NCAM2: variants seen among roughly 807,000 people sequenced by gnomAD.
The protein encoded by NCAM2 is neural cell adhesion molecule 2, also known as N-CAM-2.
In NCAM2, 30 loss-of-function variants were observed where a neutral mutation model predicts 98.1. That is an observed-to-expected ratio of 0.31 (90% CI 0.23 to 0.41). The LOEUF is 0.41. NCAM2 is among the 10% of genes least tolerant of loss of function. NCAM2 has a pLI of 1.00. For missense variants in NCAM2, 867 were observed against 1,005.8 expected (o/e 0.86, Z 1.87); for synonymous variants, 368 against 342.4 (o/e 1.07, Z -0.83).
At chr21:21,482,216 C>A (rs62216088) in intron 15 of NCAM2, among the ~76,000 whole-genome samples, 1 of 151,946 alleles carries the variant, frequency 6.6e-6, no homozygotes, top group Admixed American at 6.6e-5. Context: ...TGATTTAGAT[C>A]TAGGTTTTGT....
intron 1 of NCAM2, among the ~76,000 whole-genome samples, chr21:21,025,226 C>T (rs1825218834): frequency 6.6e-6 from 1 of 151,968 alleles, no homozygotes; most frequent in South Asian, 2.1e-4. Context: ...GCTGGGATTA[C>T]AGGTGCCTGC....
intron 15 of NCAM2, among the ~76,000 whole-genome samples, chr21:21,480,656 A>G (rs1985795127): frequency 6.6e-6 from 1 of 152,220 alleles, no homozygotes; most frequent in South Asian, 2.1e-4. Context: ...GAAATAAATA[A>G]TTGTAAGCAG....
rs117466297 is a variant in NCAM2, at chr21:21,414,212, C to T, written c.1383+3751C>T. On this transcript the variant is annotated intron_variant, in intron 10 of 17. Transcript: ENST00000400546. ...CATTTCTAATTCTAGCTCTCTATTT[C>T]CACCGCATCTGCAGTTACTTCCTTC... Among the ~76,000 whole-genome samples the T allele has an allele frequency of 8.7e-3, 1,327 of 152,288 alleles. 18 individuals carry two copies. The highest frequency in any genetic ancestry group is 0.015 in the Non-Finnish European group (1,036 of 68,022).
At chr21:21,194,134 T>C (rs1163650721) in intron 1 of NCAM2, among the ~76,000 whole-genome samples, 2 of 152,194 alleles carry the variant, frequency 1.3e-5, no homozygotes, top group Non-Finnish European at 2.9e-5. Context: ...CATATATACA[T>C]GGAATACAAT....
At chr21:21,225,020 C>T (rs1303794075) in intron 1 of NCAM2, among the ~76,000 whole-genome samples, 4 of 151,992 alleles carry the variant, frequency 2.6e-5, no homozygotes, top group Non-Finnish European at 4.4e-5. Flanking sequence ...CCCAAATGCC[C>T]ATCAACAATA....
chr21:21,197,043 C>T (rs1221028751), intron 1 of NCAM2, among the ~76,000 whole-genome samples: 2 of 152,182 alleles, frequency 1.3e-5, no homozygotes, highest in Non-Finnish European at 2.9e-5. Flanking sequence ...GCTGAGACCT[C>T]CCCAGAAGCA....
chr21:21,334,792 G>A (rs1322020691), intron 6 of NCAM2, among the ~76,000 whole-genome samples: 7 of 152,116 alleles, frequency 4.6e-5, no homozygotes, highest in Non-Finnish European at 5.9e-5. Flanking sequence ...TTTGAAAGCC[G>A]TGGTTGGTTT....
At chr21:21,011,187 CATTT>C (rs1322803102) in intron 1 of NCAM2, among the ~76,000 whole-genome samples, 1 of 151,350 alleles carries the variant, frequency 6.6e-6, no homozygotes, top group Non-Finnish European at 1.5e-5. Flanking sequence ...GGGATTACAT[CATTT>C]TTAAATTCAA....
intron 9 of NCAM2, among the ~76,000 whole-genome samples, chr21:21,397,115 C>A (rs1016005724): frequency 7.9e-5 from 12 of 152,280 alleles, no homozygotes; most frequent in African/African-American, 2.9e-4. Flanking sequence ...GCAGGTCATC[C>A]TGACATCTGT....
At chr21:21,129,140 A>G (rs959785911) in intron 1 of NCAM2, among the ~76,000 whole-genome samples, 1 of 152,186 alleles carries the variant, frequency 6.6e-6, no homozygotes, top group Admixed American at 6.5e-5. Flanking sequence ...TTTATTGATC[A>G]TATTAGTCTT....
In NCAM2 at chr21:21,299,065, A is replaced by G. The variant is rs557923979; in HGVS notation, c.619+6824A>G. Among the ~76,000 whole-genome samples, 10 of 151,820 alleles carry G rather than the reference A, an allele frequency of 6.6e-5. No individual in the cohort carries two copies. The East Asian group carries it at 2.0e-3, about 30-fold the overall frequency. On this transcript the variant is annotated intron_variant, in intron 5 of 17. Coordinates refer to ENST00000400546, the MANE Select transcript of NCAM2 (RefSeq NM_004540.5). ...GGATCACAAGATACTGCAATAATGC[A>G]AATTTTTATCATTTCATAGAATCAA...
In NCAM2 at chr21:21,261,116, A is replaced by T. The variant is rs9976738; in HGVS notation, c.56-19462A>T. 4.3e-3 allele frequency among the ~76,000 whole-genome samples: 657 copies of T among 152,296 alleles called. 4 individuals are homozygous for T. The highest frequency in any genetic ancestry group is 0.015 in the African/African-American group (643 of 41,570). On this transcript the variant is annotated intron_variant, in intron 1 of 17. Coordinates refer to ENST00000400546, the MANE Select transcript of NCAM2 (RefSeq NM_004540.5). Reference sequence around the variant, plus strand: ...CAGTAGAAAAAAAAAGAATGGAATTATTTAGTGATAAAGGTTTCAATTCAA... The same window carrying T: ...CAGTAGAAAAAAAAAGAATGGAATTTTTTAGTGATAAAGGTTTCAATTCAA...
intron 1 of NCAM2, among the ~76,000 whole-genome samples, chr21:21,204,313 C>T (rs373125358): frequency 6.6e-6 from 1 of 151,916 alleles, no homozygotes; most frequent in Non-Finnish European, 1.5e-5. Context: ...ATTTATGATG[C>T]CCTAGTTATT....
rs144094222 is a variant in NCAM2 at position 21,534,080 on chromosome 21, C to T, written c.2283-457C>T. 2.9e-3 allele frequency among the ~76,000 whole-genome samples: 439 copies of T among 151,640 alleles called. 4 individuals are homozygous for T. The highest frequency in any genetic ancestry group is 0.01 in the African/African-American group (420 of 41,414). On this transcript the variant is annotated intron_variant, in intron 16 of 17. Coordinates refer to ENST00000400546, the MANE Select transcript of NCAM2 (RefSeq NM_004540.5). ...TTCTAAATTTTGAAATAAAAGCAAC[C>T]CTTCTGAAGTATTTCAAATATTTTA... is the stretch of plus-strand genomic sequence containing the variant.
intron 1 of NCAM2, among the ~76,000 whole-genome samples, chr21:21,211,612 C>CACA (rs909798814): frequency 6.6e-6 from 1 of 151,536 alleles, no homozygotes; most frequent in Non-Finnish European, 1.5e-5. Context: ...AAACAAACAA[C>CACA]ACAACAACAA....
chr21:21,231,987 T>C (rs1201636000), intron 1 of NCAM2, among the ~76,000 whole-genome samples: 1 of 151,576 alleles, frequency 6.6e-6, no homozygotes, highest in African/African-American at 2.4e-5. Flanking sequence ...TTGTAATACA[T>C]TTTCCTCAGT....
At chr21:21,537,791 G>T in intron 17 of NCAM2, 55 bp from the exon 18 acceptor site, 1 of 855,490 alleles carries the variant, frequency 1.2e-6, no homozygotes, top group Non-Finnish European at 1.8e-6. Flanking sequence ...TAAAGGTTAA[G>T]GTACGTCTCC....
intron 1 of NCAM2, among the ~76,000 whole-genome samples, chr21:21,243,205 A>G (rs539612003): frequency 6.6e-6 from 1 of 152,334 alleles, no homozygotes; most frequent in South Asian, 2.1e-4. Flanking sequence ...AGGTTTCAGT[A>G]TTGTCCCAGA....
At chr21:21,439,773 T>C (rs1045179542) in intron 12 of NCAM2, among the ~76,000 whole-genome samples, 5 of 152,234 alleles carry the variant, frequency 3.3e-5, no homozygotes, top group African/African-American at 1.2e-4. Flanking sequence ...ATGATATGTG[T>C]TGAAATGTTT....
Sources: allele counts gnomAD v4.1 joint callset (sites outside exome capture counted in the v4.1 genomes callset), GRCh38; gene constraint gnomAD v4.1.1; transcripts MANE v1.5; gene names NCBI Gene and HGNC (gene_info 2026-07-23, HGNC 2026-07-21).